CYP4Z1: variants seen among roughly 807,000 people sequenced by gnomAD.
CYP4Z1 encodes the protein cytochrome P450 4Z1.
In CYP4Z1, 41 loss-of-function variants were observed where a neutral mutation model predicts 54.2. That is an observed-to-expected ratio of 0.76 (90% CI 0.59 to 0.98). CYP4Z1 has a LOEUF of 0.98. Ranked by LOEUF, CYP4Z1 falls within the 50% of genes least tolerant of loss-of-function variation. The pLI is 0.00. For synonymous variants in CYP4Z1, 163 were observed against 206.2 expected, an observed-to-expected ratio of 0.79 and a Z score of 1.79; for missense variants, 513 against 599.0, an observed-to-expected ratio of 0.86 and a Z score of 1.50.
intron 10 of CYP4Z1, among the ~76,000 whole-genome samples, chr1:47,115,938 T>C (rs1644826887): frequency 6.6e-6 from 1 of 152,228 alleles, no homozygotes; most frequent in South Asian, 2.1e-4. Flanking sequence ...AAATCTCTTG[T>C]TACTGGTCAT....
In CYP4Z1 at chr1:47,090,651, C is replaced by T. The variant is rs566428491; in HGVS notation, c.773-3915C>T. On this transcript the variant is annotated intron_variant, in intron 6 of 11. Transcript: ENST00000334194. ...AGAGGGACTGAGTAAGATAAGTAGC[C>T]GTCACTCAGTTACTTATCTTTCATG... is the stretch of plus-strand genomic sequence containing the variant. Among the ~76,000 whole-genome samples the T allele has an allele frequency of 1.2e-4, 19 of 152,258 alleles. No individual in the cohort carries two copies. The South Asian group carries it at 3.1e-3, about 25-fold the overall frequency.
upstream of CYP4Z1, among the ~76,000 whole-genome samples, chr1:47,066,470 C>A (rs935288324): frequency 2.0e-5 from 3 of 152,070 alleles, no homozygotes; most frequent in Non-Finnish European, 2.9e-5. Context: ...ATCCAGCATC[C>A]CTTTATGATT....
At chr1:47,080,178 A>T (rs967329917) in intron 2 of CYP4Z1, among the ~76,000 whole-genome samples, 1 of 126,198 alleles carries the variant, frequency 7.9e-6, no homozygotes, top group Non-Finnish European at 1.6e-5. Flanking sequence ...ATTTATATAC[A>T]TCTTTCTCAA....
In CYP4Z1 at chr1:47,082,887, A is replaced by G. The variant is rs1484985077; in HGVS notation, c.492+426A>G. On this transcript the variant is annotated intron_variant, in intron 4 of 11. Coordinates refer to ENST00000334194, the MANE Select transcript of CYP4Z1 (RefSeq NM_178134.3). ...GGAGGATTTCTAGAGATGGGGACTC[A>G]GAGAAAAGATGGCCTTGTGGTCAAG... Among the ~76,000 whole-genome samples, 4 of 150,334 alleles carry G rather than the reference A, an allele frequency of 2.7e-5. 1 individual carries two copies. Among genetic ancestry groups the G allele is most frequent in the Non-Finnish European group, 5.9e-5 (4 of 67,470 alleles).
intron 10 of CYP4Z1, among the ~76,000 whole-genome samples, 158 bp from the exon 11 acceptor site, chr1:47,116,492 C>T (rs963819657): frequency 1.3e-5 from 2 of 152,152 alleles, no homozygotes; most frequent in African/African-American, 4.8e-5. Context: ...TTTTGGGGAA[C>T]ATCAAGCAGG....
rs189755205 is a variant in CYP4Z1, at chr1:47,116,328, C to G, written c.1267-322C>G. Among the ~76,000 whole-genome samples the G allele has an allele frequency of 1.1e-3, 167 of 152,246 alleles. 1 individual carries two copies. Among genetic ancestry groups the G allele is most frequent in the Non-Finnish European group, 5.0e-4 (34 of 68,016 alleles). ...TGCCCATTTTTATATGACAGAGGCA[C>G]GGGTTTACTGTGAAGGGAAAATAAT... On this transcript the variant is annotated intron_variant, in intron 10 of 11. Coordinates refer to ENST00000334194, the MANE Select transcript of CYP4Z1 (RefSeq NM_178134.3).
In CYP4Z1 at chr1:47,082,401, C is replaced by T. The variant is rs751469303; in HGVS notation, c.432C>T (p.Phe144=). 6 of 1,613,708 alleles carry T rather than the reference C, an allele frequency of 3.7e-6. No individual in the cohort carries two copies. In the African/African-American group the frequency reaches 4.0e-5, roughly 11 times the overall value. The stretch of plus-strand genomic sequence containing the variant: ...ACCGCCAGATTGTGAAACCTGGCTT[C>T]AACATCAGCATTCTGAAAATATTCA... ...KKHRQIVKPG[F]NISILKIFIT... The change falls in exon 4 of 12, where the codon TTC becomes TTT. Residue 144 remains phenylalanine, a synonymous_variant. Transcript: ENST00000334194.
chr1:47,087,485 G>C (rs1644604935), intron 6 of CYP4Z1, among the ~76,000 whole-genome samples: 1 of 152,200 alleles, frequency 6.6e-6, no homozygotes, highest in Admixed American at 6.5e-5. Flanking sequence ...CTCATGATTT[G>C]CTCTCTGTTT....
the CYP4Z1 span, among the ~76,000 whole-genome samples, chr1:47,058,068 G>A: frequency 6.6e-6 from 1 of 151,900 alleles, no homozygotes; most frequent in Non-Finnish European, 1.5e-5. Flanking sequence ...AACTTTACTT[G>A]GTTCTGAATC....
intron 8 of CYP4Z1, among the ~76,000 whole-genome samples, chr1:47,103,436 T>C (rs1300321615): frequency 2.0e-5 from 3 of 151,950 alleles, no homozygotes; most frequent in Non-Finnish European, 4.4e-5. Context: ...CCTCAGCCTC[T>C]CAAAGTGCTG....
At chr1:47,116,447 C>T (rs1644830668) in intron 10 of CYP4Z1, among the ~76,000 whole-genome samples, 1 of 152,100 alleles carries the variant, frequency 6.6e-6, no homozygotes, top group Admixed American at 6.5e-5. Flanking sequence ...GTTATATAGC[C>T]TCTGCTTTCT....
At chr1:47,096,833 T>G (rs953787005) in intron 7 of CYP4Z1, 1 of 152,186 alleles carries the variant, frequency 6.6e-6, no homozygotes, top group African/African-American at 2.4e-5. Flanking sequence ...TTTCACCATA[T>G]TGGCCAGGCT....
intron 2 of CYP4Z1, among the ~76,000 whole-genome samples, chr1:47,074,026 A>C (rs1164144487): frequency 1.3e-5 from 2 of 151,584 alleles, no homozygotes; most frequent in Non-Finnish European, 3.0e-5. Flanking sequence ...GCCCAGTCCA[A>C]ATTCATGAAG....
the CYP4Z1 span, among the ~76,000 whole-genome samples, chr1:47,056,030 C>A: frequency 6.6e-6 from 1 of 152,122 alleles, no homozygotes; most frequent in Non-Finnish European, 1.5e-5. Context: ...AATTTTATAT[C>A]TTTCCTGCTT....
At chr1:47,086,390 C>G (rs1344669180) in intron 6 of CYP4Z1, among the ~76,000 whole-genome samples, 1 of 150,910 alleles carries the variant, frequency 6.6e-6, no homozygotes, top group Non-Finnish European at 1.5e-5. Flanking sequence ...GCCTTTCTAA[C>G]TGGTGTGAGA....
chr1:47,117,764 A>G lies in CYP4Z1; in HGVS notation c.1350-2A>G, dbSNP rs1644840928. On this transcript the variant is annotated splice_acceptor_variant, in intron 11 of 11. Transcript: ENST00000334194. LOFTEE classifies it high-confidence loss of function. ...CCATGTTTTCTTTCTTGGTATCCCCAGGAACTGCATTGGGCAGCATTTTGC... is the reference window on the plus strand; with the variant it reads ...CCATGTTTTCTTTCTTGGTATCCCCGGGAACTGCATTGGGCAGCATTTTGC... 1 of 1,609,080 alleles carries G rather than the reference A, an allele frequency of 6.2e-7. No homozygotes were observed. The highest frequency in any genetic ancestry group is 8.5e-7 in the Non-Finnish European group (1 of 1,177,456).
At chr1:47,093,866 A>C (rs1429485469) in intron 6 of CYP4Z1, among the ~76,000 whole-genome samples, 2 of 152,126 alleles carry the variant, frequency 1.3e-5, no homozygotes, top group Non-Finnish European at 2.9e-5. Flanking sequence ...TTATGGAGAG[A>C]ATTTCTGTTT....
intron 10 of CYP4Z1, 151 bp downstream of exon 10, chr1:47,115,744 C>A (rs562755279): frequency 2.2e-5 from 16 of 726,944 alleles, no homozygotes; most frequent in Non-Finnish European, 3.0e-5. Flanking sequence ...TAAGAGAAAA[C>A]TACATTTGCA....
chr1:47,103,595 C>CTT lies in CYP4Z1; in HGVS notation c.1068-2517_1068-2516dup, dbSNP rs373166937. Among the ~76,000 whole-genome samples, 746 of 96,004 alleles carry CTT rather than the reference C, an allele frequency of 7.8e-3. 7 individuals are homozygous for CTT. Among genetic ancestry groups the CTT allele is most frequent in the South Asian group, 0.045 (115 of 2,560 alleles). 63.0% of individuals were successfully genotyped at this position (96,004 alleles called of 152,430 possible). On this transcript the variant is annotated intron_variant, in intron 8 of 11. Coordinates refer to ENST00000334194, the MANE Select transcript of CYP4Z1 (RefSeq NM_178134.3). ...TTCTTCTTTTTTTTTTCTTTTTTTT[C>CTT]TTTTTTTTTTTTTTTTTAGACAGAG...
Sources: allele counts gnomAD v4.1 joint callset (sites outside exome capture counted in the v4.1 genomes callset), GRCh38; gene constraint gnomAD v4.1.1; transcripts MANE v1.5; gene names NCBI Gene and HGNC (gene_info 2026-07-23, HGNC 2026-07-21).